Variants in CCDC66 observed in about 807,000 individuals in gnomAD.
CCDC66 encodes the protein coiled-coil domain-containing protein 66.
A neutral mutation model predicts 128.3 loss-of-function variants in CCDC66; 133 were observed. That is an observed-to-expected ratio of 1.04 (90% confidence interval 0.90 to 1.20). The LOEUF (loss-of-function observed/expected upper bound fraction) is 1.20. Among genes scored for constraint, CCDC66 ranks in the 50% most tolerant of loss-of-function variants. The pLI, the probability that CCDC66 is intolerant of heterozygous loss-of-function variation, is 0.00. For synonymous variants in CCDC66, 387 were observed against 357.0 expected (o/e 1.08, Z -0.95); for missense variants, 1,126 against 1,075.5 (o/e 1.05, Z -0.66).
chr3:56,589,546 AC>A (rs1336624467), intron 7 of CCDC66, among the ~76,000 whole-genome samples: 1 of 152,222 alleles, frequency 6.6e-6, no homozygotes, highest in Non-Finnish European at 1.5e-5. Context: ...TTTAACATTC[AC>A]AAATCAATGA....
rs968436420 is a variant in CCDC66 at position 56,557,226 on chromosome 3, G to C, written c.-17G>C. On this transcript the variant is annotated 5_prime_UTR_variant, in exon 1 of 18. Transcript: ENST00000394672. ...AAGGGGCTTGAGCGTTCTGTGGAGAGAGTGCGAGGTCAGGCCATGAACTTG... is the reference window on the plus strand; with the variant it reads ...AAGGGGCTTGAGCGTTCTGTGGAGACAGTGCGAGGTCAGGCCATGAACTTG... The C allele has an allele frequency of 7.7e-6, 12 of 1,549,952 alleles. No homozygotes were observed. The highest frequency in any genetic ancestry group is 1.7e-4 in the Middle Eastern group (1 of 6,012).
At chr3:56,582,946 G>A (rs1007066870) in intron 7 of CCDC66, among the ~76,000 whole-genome samples, 4 of 149,500 alleles carry the variant, frequency 2.7e-5, no homozygotes, top group Non-Finnish European at 3.0e-5. Flanking sequence ...GCACAATCAC[G>A]GCTAACTGCA....
chr3:56,606,785 TAAGCCCTG>T (rs2074135012), intron 10 of CCDC66, among the ~76,000 whole-genome samples: 1 of 151,704 alleles, frequency 6.6e-6, no homozygotes. Flanking sequence ...GTCTTAGGTT[TAAGCCCTG>T]AATCCATCTT....
chr3:56,617,885 T>C (rs1000168210), intron 14 of CCDC66: 1 of 566,632 alleles, frequency 1.8e-6, no homozygotes, highest in African/African-American at 1.9e-5. Flanking sequence ...TTCCTTATGC[T>C]TATCGAGTCC....
chr3:56,567,782 T>C (rs2066068404), intron 6 of CCDC66, among the ~76,000 whole-genome samples: 1 of 150,758 alleles, frequency 6.6e-6, no homozygotes, highest in Admixed American at 6.6e-5. Flanking sequence ...AAGCTCCACC[T>C]CCCGGGTTCA....
chr3:56,596,628 T>C (rs981816295), intron 10 of CCDC66, among the ~76,000 whole-genome samples: 2 of 151,984 alleles, frequency 1.3e-5, no homozygotes, highest in Non-Finnish European at 1.5e-5. Flanking sequence ...TATTCGTATG[T>C]TTTTGGTCCC....
chr3:56,559,758 A>G (rs2064858967), intron 3 of CCDC66, among the ~76,000 whole-genome samples, 164 bp downstream of exon 3: 1 of 152,222 alleles, frequency 6.6e-6, no homozygotes, highest in African/African-American at 2.4e-5. Context: ...TTTCACAGAA[A>G]TTGAATCATT....
intron 4 of CCDC66, chr3:56,565,312 CA>C (rs1228379828): frequency 1.6e-5 from 3 of 182,330 alleles, no homozygotes; most frequent in African/African-American, 7.2e-5. Context: ...CTCGCTTTGT[CA>C]CCCAGGCTGG....
intron 6 of CCDC66, among the ~76,000 whole-genome samples, chr3:56,568,491 G>T (rs956694585): frequency 6.6e-6 from 1 of 152,144 alleles, no homozygotes; most frequent in Non-Finnish European, 1.5e-5. Context: ...AAGAAACTTA[G>T]TGGTTTCATA....
chr3:56,581,538 G>A (rs897412347), intron 7 of CCDC66, among the ~76,000 whole-genome samples: 4 of 151,786 alleles, frequency 2.6e-5, no homozygotes, highest in Admixed American at 1.3e-4. Context: ...CTCCCCATCT[G>A]TGTGGTTTTA....
At chr3:56,600,271 C>T (rs146313246) in intron 10 of CCDC66, among the ~76,000 whole-genome samples, 3 of 151,650 alleles carry the variant, frequency 2.0e-5, no homozygotes, top group Non-Finnish European at 4.4e-5. Flanking sequence ...GCCCCACCCT[C>T]CCAAGTAGCT....
In CCDC66 at chr3:56,617,632, T is replaced by C. The variant is rs369179430; in HGVS notation, c.2337+27T>C. On this transcript the variant is annotated intron_variant, in intron 14 of 17. Coordinates refer to ENST00000394672, the MANE Select transcript of CCDC66 (RefSeq NM_001141947.3). ...TAAAGCTCTTCCATCTTAGATGATG[T>C]GTTGACGTTTCTGGATTCAAAACAC... is the stretch of plus-strand genomic sequence containing the variant. 2.2e-5 allele frequency: 34 copies of C among 1,562,134 alleles called. No individual in the cohort carries two copies. In the African/African-American group the frequency reaches 4.5e-4, roughly 21 times the overall value.
chr3:56,615,892 TTG>T, intron 12 of CCDC66, 28 bp from the exon 13 acceptor site: 2 of 1,557,420 alleles, frequency 1.3e-6, no homozygotes, highest in Non-Finnish European at 1.7e-6. Context: ...TCCTTAAGTG[TTG>T]TTTTATCAGG....
intron 10 of CCDC66, among the ~76,000 whole-genome samples, chr3:56,599,993 C>A (rs2072862862): frequency 6.6e-6 from 1 of 151,952 alleles, no homozygotes; most frequent in African/African-American, 2.4e-5. Flanking sequence ...CATCCATGTC[C>A]CTGCAAAGGA....
chr3:56,592,563 A>T (rs1372597697), intron 7 of CCDC66, among the ~76,000 whole-genome samples: 1 of 148,060 alleles, frequency 6.8e-6, no homozygotes, highest in Non-Finnish European at 1.5e-5. Context: ...AGATTTTGCC[A>T]TGTTGGCCAG....
chr3:56,574,160 G>C (rs190033584), intron 7 of CCDC66, among the ~76,000 whole-genome samples: 18 of 151,608 alleles, frequency 1.2e-4, no homozygotes, highest in African/African-American at 3.6e-4. Context: ...TCATGAGATT[G>C]AGACCATCCC....
chr3:56,583,373 A>G (rs933995494), intron 7 of CCDC66, among the ~76,000 whole-genome samples: 6 of 151,792 alleles, frequency 4.0e-5, no homozygotes, highest in Admixed American at 1.3e-4. Context: ...GTCATAGGAC[A>G]ATAGTGGAGG....
intron 7 of CCDC66, among the ~76,000 whole-genome samples, chr3:56,571,701 T>G (rs2066640755): frequency 6.6e-6 from 1 of 152,066 alleles, no homozygotes; most frequent in Admixed American, 6.6e-5. Context: ...TTGTCATATT[T>G]TTGGGTTTTT....
chr3:56,613,116 C>T (rs544945798), intron 10 of CCDC66, among the ~76,000 whole-genome samples: 1 of 152,146 alleles, frequency 6.6e-6, no homozygotes, highest in Non-Finnish European at 1.5e-5. Context: ...GGACTGGGCT[C>T]TCAAAATAGT....
Sources: gnomAD v4.1 joint callset for allele counts (sites outside exome capture counted in the v4.1 genomes callset) on GRCh38, gnomAD v4.1.1 for gene constraint, MANE v1.5 for transcripts, NCBI Gene and HGNC (gene_info 2026-07-23, HGNC 2026-07-21) for gene names.